Variants in MUC12 observed in about 807,000 individuals in gnomAD.
MUC12 encodes mucin 12, cell surface associated, also known as mucin-12.
MUC12 carries 172 observed loss-of-function variants against 230.8 expected under a neutral mutation model. That is an observed-to-expected ratio of 0.75 (90% CI 0.66 to 0.85). The LOEUF (loss-of-function observed/expected upper bound fraction) is 0.85, where lower values mean the gene tolerates loss of function less well. MUC12 is among the 40% of genes least tolerant of loss of function. The pLI is 0.00. For synonymous variants in MUC12, 1,259 were observed against 2,401.9 expected, an observed-to-expected ratio of 0.52 and a Z score of 13.91; for missense variants, 3,506 against 5,920.6, an observed-to-expected ratio of 0.59 and a Z score of 13.38.
Position 101,005,251 on chromosome 7 carries a change from C to G in MUC12, c.14688C>G (p.Leu4896=). Residue 4896 remains leucine, a synonymous_variant, in exon 2 of 12, where the codon CTC becomes CTG. Coordinates refer to ENST00000536621, the MANE Select transcript of MUC12 (RefSeq NM_001164462.2). ...CTCACACAGTGTTACCTGCCACCCT[C>G]ACAACCACAGACATTGGTCAGGAAT... ...GFTHTVLPAT[L]TTTDIGQEST... 1 of 1,537,916 alleles carries G rather than the reference C, an allele frequency of 6.5e-7. No homozygotes were observed. Among genetic ancestry groups the G allele is most frequent in the South Asian group, 1.2e-5 (1 of 84,066 alleles).
chr7:100,977,079 A>G lies in MUC12; in HGVS notation c.67+7390A>G, dbSNP rs1342840964. On this transcript the variant is annotated intron_variant, in intron 1 of 11. Coordinates refer to ENST00000536621, the MANE Select transcript of MUC12 (RefSeq NM_001164462.2). Reference sequence around the variant, plus strand: ...AAAAAAAAAAAAAAAAAAAAAAAAAAAAAGAAATTGCTCAATACCACCCAT... The same window carrying G: ...AAAAAAAAAAAAAAAAAAAAAAAAAGAAAGAAATTGCTCAATACCACCCAT... 2.6e-3 allele frequency among the ~76,000 whole-genome samples: 299 copies of G among 113,628 alleles called. 2 individuals carry two copies. Among genetic ancestry groups the G allele is most frequent in the African/African-American group, 9.4e-3 (292 of 31,054 alleles). 74.5% of individuals were successfully genotyped at this position (113,628 alleles called of 152,430 possible).
Position 100,992,025 on chromosome 7 carries a change from G to A in MUC12, c.1462G>A (p.Gly488Ser). Residue 488 changes from glycine (G) to serine (S), a missense_variant, in exon 2 of 12, where the codon GGC (glycine) becomes AGC (serine). Transcript: ENST00000536621. ...TALPGSTTKP[G>S]LSEKSTTFYS... ...GTTACCCGGCAGTACCACAAAACCA[G>A]GCCTCAGTGAGAAATCTACCACTTT... 2 of 1,537,948 alleles carry A rather than the reference G, an allele frequency of 1.3e-6. No individual in the cohort carries two copies. Among genetic ancestry groups the A allele is most frequent in the Non-Finnish European group, 1.7e-6 (2 of 1,147,068 alleles).
rs181330074 is a variant in MUC12 at position 100,981,620 on chromosome 7, C to A, written c.68-9011C>A. On this transcript the variant is annotated intron_variant, in intron 1 of 11. Coordinates refer to ENST00000536621, the MANE Select transcript of MUC12 (RefSeq NM_001164462.2). ...TCAAGCTTGGTGTGACCTGCGAGGG[C>A]AACTGTTGTGGAGATGTGAGTGGTT... 1.7e-4 allele frequency: 73 copies of A among 426,204 alleles called. 1 individual carries two copies. The highest frequency in any genetic ancestry group is 1.2e-3 in the African/African-American group (57 of 48,926). The allele number at this position is 426,204 out of a possible 1,614,324, so 26.4% of individuals were successfully genotyped here. A position where few individuals can be genotyped will look rare whatever the true frequency, so the allele number is the denominator to read the frequency against.
chr7:100,990,072 AT>A (rs1213270955), intron 1 of MUC12, among the ~76,000 whole-genome samples: 2 of 152,300 alleles, frequency 1.3e-5, no homozygotes, highest in Non-Finnish European at 2.9e-5. Flanking sequence ...AAATGGTTAT[AT>A]TCCACAGAAG....
intron 1 of MUC12, among the ~76,000 whole-genome samples, chr7:100,977,386 A>G (rs1793048561): frequency 7.4e-6 from 1 of 134,940 alleles, no homozygotes; most frequent in South Asian, 2.3e-4. Flanking sequence ...TTTTTTTTTG[A>G]GACGGAGTGT....
chr7:100,973,149 C>A, intron 1 of MUC12: 3 of 638,086 alleles, frequency 4.7e-6, no homozygotes, highest in Non-Finnish European at 8.5e-6. Context: ...GTAGGGCAGA[C>A]CAGCATCAGA....
intron 1 of MUC12, chr7:100,972,158 T>G: frequency 1.4e-6 from 1 of 703,470 alleles, no homozygotes; most frequent in Non-Finnish European, 2.6e-6. Flanking sequence ...AGCAGGTAGC[T>G]CATATAATTC....
In MUC12 at chr7:100,995,620, C is replaced by T; in HGVS notation, c.5057C>T (p.Ser1686Phe). ...PAGSTTRQGE[S>F]TTFQSWPSSK... ...GGCTCTACAACACGTCAGGGAGAATCTACCACCTTCCAGAGCTGGCCAAGC... is the reference window on the plus strand; with the variant it reads ...GGCTCTACAACACGTCAGGGAGAATTTACCACCTTCCAGAGCTGGCCAAGC... Residue 1686 changes from serine (S) to phenylalanine (F), a missense_variant, in exon 2 of 12, where the codon TCT becomes TTT. Physicochemically the swap from Ser to Phe is radical, Grantham distance 155 (BLOSUM62 -2). Coordinates refer to ENST00000536621, the MANE Select transcript of MUC12 (RefSeq NM_001164462.2). 3 of 1,537,096 alleles carry T rather than the reference C, an allele frequency of 2.0e-6. No individual in the cohort carries two copies. Among genetic ancestry groups the T allele is most frequent in the Non-Finnish European group, 2.6e-6 (3 of 1,147,070 alleles).
Position 101,005,098 on chromosome 7 carries a change from C to T in MUC12, c.14535C>T (p.Gly4845=). 1 of 1,537,984 alleles carries T rather than the reference C, an allele frequency of 6.5e-7. No homozygotes were observed. The highest frequency in any genetic ancestry group is 8.7e-7 in the Non-Finnish European group (1 of 1,147,080). ...CACCTGCCAGCACCACAGTGCCAGG[C>T]CTTAGTGAGGAATCTACCACCTTCT... ...TVSPASTTVP[G]LSEESTTFYS... is the part of the protein sequence containing the mutation. The change falls in exon 2 of 12, where the codon GGC becomes GGT. Residue 4845 remains glycine, a synonymous_variant. Coordinates refer to ENST00000536621, the MANE Select transcript of MUC12 (RefSeq NM_001164462.2).
chr7:100,990,792 C>T lies in MUC12; in HGVS notation c.229C>T (p.His77Tyr). ...CCTTGACAGCTCCACAAACTCAGGC[C>T]ACAGTGAGGAATCAACAGTATCCCA... ...HFLDSSTNSG[H>Y]SEESTVSHSG... The change falls in exon 2 of 12, where the codon CAC (histidine) becomes TAC (tyrosine). Residue 77 changes from histidine (H) to tyrosine (Y), a missense_variant. Physicochemically the swap from His to Tyr is moderately conservative, Grantham distance 83. Coordinates refer to ENST00000536621, the MANE Select transcript of MUC12 (RefSeq NM_001164462.2). The T allele has an allele frequency of 6.5e-7, 1 of 1,537,822 alleles. No homozygotes were observed. The highest frequency in any genetic ancestry group is 8.7e-7 in the Non-Finnish European group (1 of 1,147,038).
intron 10 of MUC12, among the ~76,000 whole-genome samples, chr7:101,016,293 T>A (rs1309692348): frequency 6.7e-6 from 1 of 149,848 alleles, no homozygotes; most frequent in African/African-American, 2.5e-5. Flanking sequence ...GGGTGGGGGG[T>A]TGAGGGGCTT....
rs1488018422 is a variant in MUC12 at position 100,992,335 on chromosome 7, T to A, written c.1772T>A (p.Leu591His). The change falls in exon 2 of 12, where the codon CTC (leucine) becomes CAC (histidine). Residue 591 changes from leucine (L) to histidine (H), a missense_variant. Physicochemically the swap from Leu to His is moderately conservative, Grantham distance 99. Transcript: ENST00000536621. The part of the protein sequence containing the change: ...HSRPGSTETT[L>H]LPDNTTASGL... Reference sequence around the variant, plus strand: ...CGCCCAGGCTCCACTGAAACAACACTCTTACCTGACAACACCACAGCCTCA... The same window carrying A: ...CGCCCAGGCTCCACTGAAACAACACACTTACCTGACAACACCACAGCCTCA... 1 of 1,536,272 alleles carries A rather than the reference T, an allele frequency of 6.5e-7. No individual in the cohort carries two copies. Among genetic ancestry groups the A allele is most frequent in the African/African-American group, 1.4e-5 (1 of 72,856 alleles).
intron 2 of MUC12, among the ~76,000 whole-genome samples, chr7:101,006,199 G>T (rs1019649348): frequency 6.6e-6 from 1 of 152,136 alleles, no homozygotes; most frequent in African/African-American, 2.4e-5. Flanking sequence ...GTGATCCCAT[G>T]GGTAGAGTTG....
At chr7:101,016,200 CT>C (rs1793915787) in intron 10 of MUC12, among the ~76,000 whole-genome samples, 1 of 152,020 alleles carries the variant, frequency 6.6e-6, no homozygotes, top group South Asian at 2.1e-4. Context: ...TGGGAAGGAG[CT>C]TGCTTTTGGC....
chr7:100,969,788 C>G lies in MUC12; in HGVS notation c.67+99C>G, dbSNP rs964787512. The G allele has an allele frequency of 7.1e-5, 103 of 1,457,472 alleles. No homozygotes were observed. The African/African-American group carries it at 1.3e-3, about 18-fold the overall frequency. 90.3% of individuals were successfully genotyped at this position (1,457,472 alleles called of 1,614,324 possible). Reference sequence around the variant, plus strand: ...GCAGGGCTGCAGGTGGCCTCCTCCCCTTTGCATGGCAAGGGGCTGCCACAG... The same window carrying G: ...GCAGGGCTGCAGGTGGCCTCCTCCCGTTTGCATGGCAAGGGGCTGCCACAG... On this transcript the variant is annotated intron_variant, in intron 1 of 11. Transcript: ENST00000536621.
intron 9 of MUC12, chr7:101,014,309 C>T: frequency 4.8e-6 from 2 of 413,300 alleles, no homozygotes; most frequent in Non-Finnish European, 8.6e-6. Flanking sequence ...TAACAGAATA[C>T]CACCACTGGG....
intron 6 of MUC12, 100 bp from the exon 7 acceptor site, chr7:101,012,719 C>G (rs1793855601): frequency 7.4e-7 from 1 of 1,352,740 alleles, no homozygotes; most frequent in Admixed American, 2.0e-5. Flanking sequence ...GGGCATTGGC[C>G]CAGGGGAGGG....
In MUC12 at chr7:101,012,971, C is replaced by T. The variant is rs1171678794; in HGVS notation, c.15476-9C>T. On this transcript the variant is annotated splice_polypyrimidine_tract_variant and intron_variant, in intron 7 of 11. Transcript: ENST00000536621. The stretch of plus-strand genomic sequence containing the variant: ...AGGCTCATGCATGCTGCCCGCCCCT[C>T]TCCCTCAGAGCAATGCACCCAGAAG... 6 of 1,537,312 alleles carry T rather than the reference C, an allele frequency of 3.9e-6. No individual in the cohort carries two copies. Among genetic ancestry groups the T allele is most frequent in the Admixed American group, 3.9e-5 (2 of 51,010 alleles).
chr7:101,011,278 T>C (rs545432649), intron 5 of MUC12, among the ~76,000 whole-genome samples: 1 of 152,256 alleles, frequency 6.6e-6, no homozygotes, highest in South Asian at 2.1e-4. Flanking sequence ...CTCAGGATTT[T>C]TTTTGTCCAA....
Sources: gnomAD v4.1 joint callset for allele counts (sites outside exome capture counted in the v4.1 genomes callset) on GRCh38, gnomAD v4.1.1 for gene constraint, MANE v1.5 for transcripts, NCBI Gene and HGNC (gene_info 2026-07-23, HGNC 2026-07-21) for gene names.